AKAP9: variants seen among roughly 807,000 people sequenced by gnomAD.
The protein encoded by AKAP9 is A-kinase anchoring protein 9.
Under a neutral mutation model 488.5 loss-of-function variants are expected in AKAP9, and 311 were observed. That is an observed-to-expected ratio of 0.64 (90% confidence interval 0.58 to 0.70). The LOEUF is 0.70. AKAP9 is among the 30% of genes least tolerant of loss of function. The probability of loss-of-function intolerance (pLI) is 0.00; values close to 1 mark genes in which losing one functional copy is unlikely to be tolerated. For missense variants in AKAP9, 4,215 were observed against 4,374.5 expected, an observed-to-expected ratio of 0.96 and a Z score of 1.03; for synonymous variants, 1,462 against 1,483.5, an observed-to-expected ratio of 0.99 and a Z score of 0.33.
chr7:91,985,990 G>T (rs886364344), intron 3 of AKAP9, among the ~76,000 whole-genome samples: 15 of 152,132 alleles, frequency 9.9e-5, no homozygotes, highest in African/African-American at 2.7e-4. Context: ...CAGGAGGAAT[G>T]ATACCAGCTC....
intron 1 of AKAP9, among the ~76,000 whole-genome samples, chr7:91,958,124 A>G (rs1793284509): frequency 6.6e-6 from 1 of 152,244 alleles, no homozygotes; most frequent in African/African-American, 2.4e-5. Flanking sequence ...ACAGATGTCC[A>G]TGGGAGCTGA....
At chr7:91,948,669 T>C (rs1791803638) in intron 1 of AKAP9, among the ~76,000 whole-genome samples, 2 of 148,258 alleles carry the variant, frequency 1.3e-5, no homozygotes, top group South Asian at 4.3e-4. Flanking sequence ...TTGAGTGCAA[T>C]GGCGCAACCT....
chr7:91,954,658 T>C (rs1339651422), intron 1 of AKAP9, among the ~76,000 whole-genome samples: 1 of 152,234 alleles, frequency 6.6e-6, no homozygotes, highest in African/African-American at 2.4e-5. Flanking sequence ...TCATCTAGCC[T>C]AGAGGCTCCC....
chr7:91,947,102 T>A (rs1438760163), intron 1 of AKAP9, among the ~76,000 whole-genome samples: 1 of 152,134 alleles, frequency 6.6e-6, no homozygotes, highest in African/African-American at 2.4e-5. Context: ...AACTATAATT[T>A]GGAAAAGCTA....
intron 3 of AKAP9, among the ~76,000 whole-genome samples, 167 bp from the exon 4 acceptor site, chr7:91,991,991 A>G (rs1797814422): frequency 6.6e-6 from 1 of 152,232 alleles, no homozygotes; most frequent in Non-Finnish European, 1.5e-5. Context: ...TGAAATGGTC[A>G]TTATGTCTCT....
chr7:91,977,428 C>T (rs1795843230), intron 2 of AKAP9, among the ~76,000 whole-genome samples: 1 of 152,084 alleles, frequency 6.6e-6, no homozygotes, highest in South Asian at 2.1e-4. Flanking sequence ...TGGTGGTGGG[C>T]AACTGTAGTC....
rs746812044 is a variant in AKAP9, at chr7:92,002,283, A to G, written c.2366A>G (p.Asp789Gly). ...AAAGATGAAAAGAAAACCCTTGAAG[A>G]CATGTTGAAAATACATACTCCTGTT... The part of the protein sequence containing the change: ...ILKDEKKTLE[D>G]MLKIHTPVSQ... The change falls in exon 8 of 50, where the codon GAC becomes GGC. Residue 789 changes from aspartate to glycine, a missense_variant. Around this residue, in one of 5 missense-constraint regions of AKAP9, gnomAD observed 2,361 missense variants for 2,430.0 expected, o/e 0.97. Coordinates refer to ENST00000356239, the MANE Select transcript of AKAP9 (RefSeq NM_005751.5). The G allele has an allele frequency of 6.2e-7, 1 of 1,611,282 alleles. No homozygotes were observed. The highest frequency in any genetic ancestry group is 2.2e-5 in the East Asian group (1 of 44,740).
intron 1 of AKAP9, among the ~76,000 whole-genome samples, chr7:91,942,165 T>G (rs552677746): frequency 6.6e-6 from 1 of 152,276 alleles, no homozygotes; most frequent in South Asian, 2.1e-4. Flanking sequence ...GGACAAAAAT[T>G]GTATTACAGG....
chr7:92,065,131 C>G, intron 24 of AKAP9, 100 bp from the exon 25 acceptor site: 1 of 674,160 alleles, frequency 1.5e-6, no homozygotes, highest in Non-Finnish European at 2.5e-6. Context: ...TAATTCTCAG[C>G]CTTTCATGAA....
intron 16 of AKAP9, among the ~76,000 whole-genome samples, chr7:92,037,020 G>C (rs527940964): frequency 7.2e-5 from 11 of 152,224 alleles, no homozygotes; most frequent in Non-Finnish European, 1.6e-4. Flanking sequence ...AGGTGCTTGA[G>C]CTCTGTATAG....
intron 16 of AKAP9, among the ~76,000 whole-genome samples, chr7:92,034,502 T>TA (rs1438150941): frequency 9.7e-6 from 1 of 102,830 alleles, no homozygotes; most frequent in African/African-American, 4.6e-5. Context: ...ATATATATTT[T>TA]TTTTTTTTTT....
chr7:92,010,967 A>G (rs1370782975), intron 8 of AKAP9, among the ~76,000 whole-genome samples: 1 of 152,170 alleles, frequency 6.6e-6, no homozygotes, highest in Non-Finnish European at 1.5e-5. Flanking sequence ...TAGTCATTTT[A>G]ATACATATTG....
At chr7:92,063,482 G>A (rs933645968) in intron 24 of AKAP9, 3 of 981,248 alleles carry the variant, frequency 3.1e-6, no homozygotes, top group Admixed American at 6.3e-5. Flanking sequence ...TGCTGCAGTC[G>A]ATGCAGCACC....
At chr7:92,022,122 C>G in intron 12 of AKAP9, 116 bp from the exon 13 acceptor site, 1 of 776,232 alleles carries the variant, frequency 1.3e-6, no homozygotes, top group South Asian at 1.4e-5. Flanking sequence ...TATTAGAGTG[C>G]CACAATTTTG....
chr7:92,081,622 C>T lies in AKAP9; in HGVS notation c.8020-900C>T, dbSNP rs555929172. Among the ~76,000 whole-genome samples, 19 of 151,588 alleles carry T rather than the reference C, an allele frequency of 1.3e-4. 1 individual carries two copies. The East Asian group carries it at 2.3e-3, about 18-fold the overall frequency. ...CTAGGATTACAGGTGTTAGCCACTG[C>T]GCCTGGCCAGCTTTTACAAATTTTA... On this transcript the variant is annotated intron_variant, in intron 31 of 49. Transcript: ENST00000356239.
In AKAP9 at chr7:92,083,571, G is replaced by A. The variant is rs201907708; in HGVS notation, c.8562G>A (p.Lys2854=). The A allele has an allele frequency of 1.9e-6, 3 of 1,602,886 alleles. No homozygotes were observed. The highest frequency in any genetic ancestry group is 2.6e-6 in the Non-Finnish European group (3 of 1,175,760). The change falls in exon 33 of 50, where the codon AAG becomes AAA. Residue 2854 remains lysine (K), a synonymous_variant. Coordinates refer to ENST00000356239, the MANE Select transcript of AKAP9 (RefSeq NM_005751.5). ...ATATTTCAGAAACTGAAACCTTAAA[G>A]AGGGAACACTATGTTGCCGTTCAGT... The part of the protein sequence containing the change: ...SRHISETETL[K]REHYVAVQLL...
chr7:92,074,383 G>A (rs1812213318), intron 28 of AKAP9, among the ~76,000 whole-genome samples: 1 of 152,186 alleles, frequency 6.6e-6, no homozygotes, highest in African/African-American at 2.4e-5. Flanking sequence ...AGAGGATGTG[G>A]AGAAATAGGA....
At chr7:91,996,094 A>C (rs1032796752) in intron 7 of AKAP9, 19 of 348,818 alleles carry the variant, frequency 5.4e-5, no homozygotes, top group African/African-American at 3.8e-4. Flanking sequence ...TATTTTAGCC[A>C]TGGTTGTGAA....
intron 29 of AKAP9, 51 bp downstream of exon 29, chr7:92,077,058 C>A: frequency 1.2e-6 from 1 of 814,962 alleles, no homozygotes; most frequent in Non-Finnish European, 1.8e-6. Context: ...AGTTTCAGTC[C>A]TATATTGCTT....
Sources: allele counts gnomAD v4.1 joint callset (sites outside exome capture counted in the v4.1 genomes callset), GRCh38; gene constraint gnomAD v4.1.1; regional missense constraint gnomAD v4.1.1; transcripts MANE v1.5; gene names NCBI Gene and HGNC (gene_info 2026-07-23, HGNC 2026-07-21).